Variants in CARMIL1 observed in about 807,000 individuals in gnomAD.
CARMIL1 encodes the protein F-actin-uncapping protein LRRC16A.
In CARMIL1, 90 loss-of-function variants were observed where a neutral mutation model predicts 177.1. That is an observed-to-expected ratio of 0.51 (90% CI 0.43 to 0.61). The LOEUF (loss-of-function observed/expected upper bound fraction) is 0.61, where lower values mean the gene tolerates loss of function less well. Ranked by LOEUF, CARMIL1 falls within the 20% of genes least tolerant of loss-of-function variation. The probability of loss-of-function intolerance (pLI) is 0.00; values close to 1 mark genes in which losing one functional copy is unlikely to be tolerated. For synonymous variants in CARMIL1, 577 were observed against 606.2 expected (o/e 0.95, Z 0.71); for missense variants, 1,380 against 1,667.0 (o/e 0.83, Z 3.00).
chr6:25,334,607 A>G (rs2150297237), intron 2 of CARMIL1, among the ~76,000 whole-genome samples: 1 of 152,284 alleles, frequency 6.6e-6, no homozygotes, highest in South Asian at 2.1e-4. Context: ...CTTTTCAACT[A>G]GGTACTTGAT....
At chr6:25,342,156 C>G (rs528282113) in intron 2 of CARMIL1, among the ~76,000 whole-genome samples, 9 of 152,196 alleles carry the variant, frequency 5.9e-5, no homozygotes, top group Non-Finnish European at 1.2e-4. Context: ...GGAATGGGAA[C>G]ACCAGGGGGT....
chr6:25,529,029 A>G (rs1807452709), intron 24 of CARMIL1, 136 bp downstream of exon 24: 1 of 661,328 alleles, frequency 1.5e-6, no homozygotes, highest in Admixed American at 3.1e-5. Context: ...ATCTAAGTAG[A>G]GTTTGAGGGA....
chr6:25,489,941 GAAAGGCT>G lies in CARMIL1; in HGVS notation c.1065+1361_1065+1367del, dbSNP rs1803032939. 3.3e-5 allele frequency among the ~76,000 whole-genome samples: 5 copies of G among 152,294 alleles called. No individual in the cohort carries two copies. The South Asian group carries it at 1.0e-3, about 32-fold the overall frequency. ...AGAAGAATAGAGGGAAGGATAAAAG[GAAAGGCT>G]AAAGATTAATAAGATTCAGCTAAAA... On this transcript the variant is annotated intron_variant, in intron 13 of 36. Transcript: ENST00000329474.
chr6:25,384,400 A>G lies in CARMIL1; in HGVS notation c.139-35714A>G, dbSNP rs1174564750. Among the ~76,000 whole-genome samples, 4 of 152,332 alleles carry G rather than the reference A, an allele frequency of 2.6e-5. No homozygotes were observed. The East Asian group carries it at 7.7e-4, about 29-fold the overall frequency. Reference sequence around the variant, plus strand: ...GCCTCAATTAAGACACAAACCAAAAATTCTAATTATATAGTAGTTTCTGTA... The same window carrying G: ...GCCTCAATTAAGACACAAACCAAAAGTTCTAATTATATAGTAGTTTCTGTA... On this transcript the variant is annotated intron_variant, in intron 2 of 36. Coordinates refer to ENST00000329474, the MANE Select transcript of CARMIL1 (RefSeq NM_017640.6).
At chr6:25,514,156 C>T (rs1422577515) in intron 20 of CARMIL1, among the ~76,000 whole-genome samples, 2 of 152,186 alleles carry the variant, frequency 1.3e-5, no homozygotes, top group East Asian at 3.9e-4. Context: ...ACAAACAAAA[C>T]CTGCCTTTAG....
At chr6:25,478,800 A>G (rs528785783) in intron 11 of CARMIL1, among the ~76,000 whole-genome samples, 42 of 111,832 alleles carry the variant, frequency 3.8e-4, no homozygotes, top group South Asian at 1.4e-3. Flanking sequence ...CATCTTGGGG[A>G]AAAAAAAAAA....
intron 24 of CARMIL1, among the ~76,000 whole-genome samples, chr6:25,534,568 T>C (rs908357570): frequency 6.6e-6 from 1 of 152,214 alleles, no homozygotes; most frequent in Admixed American, 6.5e-5. Context: ...ATTCCTCCTT[T>C]GGATAAAATT....
At chr6:25,500,131 A>C in intron 16 of CARMIL1, 35 bp from the exon 17 acceptor site, 1 of 1,588,816 alleles carries the variant, frequency 6.3e-7, no homozygotes, top group Non-Finnish European at 8.6e-7. Context: ...CAGTGTGTGG[A>C]ATGTGTATCT....
At position 25,279,759 on chromosome 6, in the gene CARMIL1, T is replaced by C; in HGVS notation, c.-37T>C. 6.2e-7 allele frequency: 1 copy of C among 1,609,706 alleles called. No individual in the cohort carries two copies. The highest frequency in any genetic ancestry group is 8.5e-7 in the Non-Finnish European group (1 of 1,176,200). On this transcript the variant is annotated 5_prime_UTR_variant, in exon 1 of 37. Transcript: ENST00000329474. ...AAGGGCAGGGGGCCATAAATCAGAG[T>C]TGGACCTGCAATAACCCCCACACCT...
chr6:25,438,439 T>C (rs1374995614), intron 5 of CARMIL1, among the ~76,000 whole-genome samples: 1 of 152,214 alleles, frequency 6.6e-6, no homozygotes, highest in Non-Finnish European at 1.5e-5. Flanking sequence ...GAGTAAGTGC[T>C]GTGAGAGAAA....
At chr6:25,460,435 C>T (rs1462716071) in intron 8 of CARMIL1, among the ~76,000 whole-genome samples, 1 of 152,104 alleles carries the variant, frequency 6.6e-6, no homozygotes, top group Admixed American at 6.5e-5. Context: ...CCTGAGTCTC[C>T]CTGATCCTTG....
intron 2 of CARMIL1, among the ~76,000 whole-genome samples, chr6:25,339,983 A>G (rs1459326217): frequency 1.3e-5 from 2 of 152,202 alleles, no homozygotes; most frequent in Non-Finnish European, 2.9e-5. Context: ...AGATCCCAAC[A>G]TCATGCCTAG....
chr6:25,347,712 A>T (rs6456674), intron 2 of CARMIL1, among the ~76,000 whole-genome samples: 10,725 of 152,246 alleles, frequency 0.07, 888 homozygotes, highest in African/African-American at 0.19. Context: ...ATCTTATTTA[A>T]CTGTAGTAAA....
intron 2 of CARMIL1, among the ~76,000 whole-genome samples, chr6:25,419,290 G>A (rs1473286374): frequency 2.6e-5 from 4 of 152,178 alleles, no homozygotes; most frequent in South Asian, 2.1e-4. Flanking sequence ...AATGAAAAGA[G>A]GGCAATTCTC....
chr6:25,474,981 T>C (rs1801411385), intron 11 of CARMIL1, among the ~76,000 whole-genome samples: 1 of 152,174 alleles, frequency 6.6e-6, no homozygotes, highest in Non-Finnish European at 1.5e-5. Flanking sequence ...GAGGTACCAT[T>C]TCAAAAGCAG....
At chr6:25,547,851 A>T (rs1809667580) in intron 26 of CARMIL1, among the ~76,000 whole-genome samples, 1 of 152,128 alleles carries the variant, frequency 6.6e-6, no homozygotes, top group Admixed American at 6.6e-5. Flanking sequence ...TGAGGTTCCG[A>T]CTGTATGGCA....
chr6:25,442,626 G>A (rs1797879384), intron 5 of CARMIL1, among the ~76,000 whole-genome samples: 1 of 149,972 alleles, frequency 6.7e-6, no homozygotes, highest in Non-Finnish European at 1.5e-5. Context: ...GCATAGATAA[G>A]AAACAGTTCC....
chr6:25,601,195 A>G (rs1333954978), intron 33 of CARMIL1, among the ~76,000 whole-genome samples: 1 of 152,208 alleles, frequency 6.6e-6, no homozygotes, highest in African/African-American at 2.4e-5. Flanking sequence ...GAAATCCAAA[A>G]CCATAACTTA....
At chr6:25,324,759 G>T (rs998342406) in intron 2 of CARMIL1, among the ~76,000 whole-genome samples, 1 of 152,162 alleles carries the variant, frequency 6.6e-6, no homozygotes, top group Non-Finnish European at 1.5e-5. Context: ...AGGGTGATGG[G>T]TGCTGTTGGA....
Sources: gnomAD v4.1 joint callset for allele counts (sites outside exome capture counted in the v4.1 genomes callset) on GRCh38, gnomAD v4.1.1 for gene constraint, MANE v1.5 for transcripts, NCBI Gene and HGNC (gene_info 2026-07-23, HGNC 2026-07-21) for gene names.